The following PDE10A variants were observed in gnomAD, a reference collection of about 807,000 sequenced individuals.
The protein encoded by PDE10A is cAMP and cAMP-inhibited cGMP 3',5'-cyclic phosphodiesterase 10A.
A neutral mutation model predicts 97.7 loss-of-function variants in PDE10A; 39 were observed. The observed-to-expected ratio is 0.40, with a 90% CI of 0.31 to 0.52. The LOEUF is 0.52. PDE10A is among the 20% of genes least tolerant of loss of function. PDE10A has a pLI of 0.56. For synonymous variants in PDE10A, 371 were observed against 376.8 expected (o/e 0.98, Z 0.18); for missense variants, 731 against 1,047.8 (o/e 0.70, Z 4.17).
chr6:165,848,090 ATTT>A (rs34090776), intron 1 of PDE10A, among the ~76,000 whole-genome samples: 1 of 150,892 alleles, frequency 6.6e-6, no homozygotes, highest in Non-Finnish European at 1.5e-5. Flanking sequence ...TATGCTAGCT[ATTT>A]TTTTTTTTCT....
At chr6:165,537,447 G>A (rs866322215) in intron 2 of PDE10A, among the ~76,000 whole-genome samples, 6 of 151,916 alleles carry the variant, frequency 3.9e-5, no homozygotes, top group East Asian at 1.9e-4. Context: ...ATAAATGTTC[G>A]CAGTAGTGGA....
chr6:165,443,521 T>TGGTGGATC (rs765249138), intron 5 of PDE10A, among the ~76,000 whole-genome samples: 12 of 152,176 alleles, frequency 7.9e-5, no homozygotes, highest in Non-Finnish European at 1.8e-4. Context: ...TGGAAGCTGT[T>TGGTGGATC]GGTGGATCTA....
intron 18 of PDE10A, among the ~76,000 whole-genome samples, chr6:165,371,321 A>T (rs983323645): frequency 9.9e-5 from 15 of 152,174 alleles, no homozygotes; most frequent in African/African-American, 3.6e-4. Context: ...AACAAAATTG[A>T]TAGACTGCTA....
chr6:165,514,188 A>G (rs560408607), intron 2 of PDE10A, among the ~76,000 whole-genome samples: 4 of 152,252 alleles, frequency 2.6e-5, no homozygotes, highest in Non-Finnish European at 5.9e-5. Flanking sequence ...TTGGTTTGCT[A>G]ATTTTTTAAA....
intron 1 of PDE10A, among the ~76,000 whole-genome samples, chr6:165,854,151 C>A (rs1390598297): frequency 6.6e-6 from 1 of 152,196 alleles, no homozygotes; most frequent in South Asian, 2.1e-4. Flanking sequence ...CGCAGCGCAG[C>A]GCTGGCTGGG....
chr6:165,783,489 G>C (rs1565885), intron 1 of PDE10A, among the ~76,000 whole-genome samples: 30 of 152,236 alleles, frequency 2.0e-4, no homozygotes, highest in Non-Finnish European at 3.4e-4. Context: ...AGGCCACTTC[G>C]TGAGATTGGG....
Position 165,928,575 on chromosome 6 carries a change from C to T in PDE10A, c.-615+58954G>A, listed in dbSNP as rs1337973634. ...GACAAAATAGCTTGTTCTCAAAAGA[C>T]CATGGCAGAGCAAAAGGGGGACATT... On this transcript the variant is annotated intron_variant, in intron 1 of 19. Coordinates refer to the PDE10A transcript ENST00000366882. Among the ~76,000 whole-genome samples, 4 of 152,176 alleles carry T rather than the reference C, an allele frequency of 2.6e-5. 1 individual carries two copies. The highest frequency in any genetic ancestry group is 2.4e-5 in the African/African-American group (1 of 41,440).
intron 1 of PDE10A, among the ~76,000 whole-genome samples, chr6:165,656,805 A>T (rs1315106883): frequency 6.6e-6 from 1 of 152,042 alleles, no homozygotes; most frequent in African/African-American, 2.4e-5. Flanking sequence ...TCTGGTTCTC[A>T]CTGTCTGCAG....
chr6:165,778,525 G>A (rs1193784656), intron 1 of PDE10A, among the ~76,000 whole-genome samples: 7 of 152,152 alleles, frequency 4.6e-5, no homozygotes, highest in Non-Finnish European at 1.5e-5. Context: ...CCCGAGCACA[G>A]TTCCTGGTGC....
At chr6:165,554,033 C>T (rs184780491) in intron 1 of PDE10A, among the ~76,000 whole-genome samples, 1 of 152,262 alleles carries the variant, frequency 6.6e-6, no homozygotes, top group Admixed American at 6.5e-5. Flanking sequence ...TCTACAGTAA[C>T]TCGGTGGGGG....
chr6:165,609,588 T>C (rs1787392469), intron 1 of PDE10A, among the ~76,000 whole-genome samples: 1 of 152,244 alleles, frequency 6.6e-6, no homozygotes, highest in African/African-American at 2.4e-5. Context: ...GCAGACGACA[T>C]GATTGTATAT....
chr6:165,766,388 C>G (rs1777850970), intron 1 of PDE10A, among the ~76,000 whole-genome samples: 1 of 152,208 alleles, frequency 6.6e-6, no homozygotes, highest in Non-Finnish European at 1.5e-5. Flanking sequence ...AGCAGTAATT[C>G]TATTCATTTT....
At chr6:165,894,279 C>G (rs76369271) in intron 1 of PDE10A, 1 of 455,740 alleles carries the variant, frequency 2.2e-6, no homozygotes, top group Non-Finnish European at 4.4e-6. Context: ...TGGTGAAGCC[C>G]GAGAAGATGT....
chr6:165,679,558 C>T (rs992399318), intron 1 of PDE10A, among the ~76,000 whole-genome samples: 1 of 152,178 alleles, frequency 6.6e-6, no homozygotes, highest in Non-Finnish European at 1.5e-5. Context: ...CGTGCCTGGC[C>T]CCACACTGTC....
rs1170601975 is a variant in PDE10A at position 165,379,317 on chromosome 6, T to C, written c.2660A>G (p.Gln887Arg). ...FSTLSSSEYE[Q>R]VLEIIRKAII... Reference sequence around the variant, plus strand: ...GGCTTTGCGGATGATCTCAAGCACCTGCTCATATTCACTGGAGCTCAGAGT... The same window carrying C: ...GGCTTTGCGGATGATCTCAAGCACCCGCTCATATTCACTGGAGCTCAGAGT... The change falls in exon 18 of 22, where the codon CAG (glutamine) becomes CGG (arginine). Residue 887 changes from glutamine (Q) to arginine (R), a missense_variant. Gln to Arg is a conservative substitution (Grantham distance 43, BLOSUM62 1). Around this residue, in one of 8 missense-constraint regions of PDE10A, gnomAD observed 25 missense variants for 83.7 expected, o/e 0.30. Coordinates refer to ENST00000539869, the MANE Select transcript of PDE10A (RefSeq NM_001385079.1). 6.2e-7 allele frequency: 1 copy of C among 1,613,884 alleles called. No homozygotes were observed. The highest frequency in any genetic ancestry group is 2.2e-5 in the East Asian group (1 of 44,870).
intron 18 of PDE10A, among the ~76,000 whole-genome samples, chr6:165,368,798 C>T (rs1048746747): frequency 3.3e-5 from 5 of 152,188 alleles, no homozygotes; most frequent in African/African-American, 1.2e-4. Flanking sequence ...TGACCCCTGA[C>T]CCCTGAGCAG....
At chr6:165,742,117 G>C (rs1792740870) in intron 1 of PDE10A, among the ~76,000 whole-genome samples, 1 of 152,044 alleles carries the variant, frequency 6.6e-6, no homozygotes, top group Non-Finnish European at 1.5e-5. Flanking sequence ...CCTACCTTAC[G>C]GGTGTCATTT....
At chr6:165,394,407 T>C (rs1785973466) in intron 15 of PDE10A, among the ~76,000 whole-genome samples, 1 of 152,156 alleles carries the variant, frequency 6.6e-6, no homozygotes, top group Non-Finnish European at 1.5e-5. Context: ...TCATCCTTTT[T>C]TATGGCTGCA....
chr6:165,492,504 T>C (rs968365448), intron 2 of PDE10A, among the ~76,000 whole-genome samples: 2 of 152,140 alleles, frequency 1.3e-5, no homozygotes, highest in African/African-American at 4.8e-5. Flanking sequence ...TCCTCCATGA[T>C]CAAGTGGGTT....
Sources: allele counts gnomAD v4.1 joint callset (sites outside exome capture counted in the v4.1 genomes callset), GRCh38; gene constraint gnomAD v4.1.1; regional missense constraint gnomAD v4.1.1; transcripts MANE v1.5; gene names NCBI Gene and HGNC (gene_info 2026-07-23, HGNC 2026-07-21).